Variants in ARHGAP21 observed in about 807,000 individuals in gnomAD.
ARHGAP21 encodes rho GTPase-activating protein 21.
In ARHGAP21, 38 loss-of-function variants were observed where a neutral mutation model predicts 164.6. The ratio of observed to expected loss-of-function variants is 0.23; its 90% CI spans 0.18 to 0.30. The LOEUF is 0.30. Ranked by LOEUF, ARHGAP21 falls within the 10% of genes least tolerant of loss-of-function variation. The probability of loss-of-function intolerance (pLI) is 1.00; values close to 1 mark genes in which losing one functional copy is unlikely to be tolerated. For missense variants in ARHGAP21, 1,822 were observed against 2,370.7 expected (o/e 0.77, Z 4.81); for synonymous variants, 766 against 857.9 (o/e 0.89, Z 1.87).
intron 4 of ARHGAP21, among the ~76,000 whole-genome samples, chr10:24,658,574 A>G (rs2131639817): frequency 6.6e-6 from 1 of 152,308 alleles, no homozygotes; most frequent in South Asian, 2.1e-4. Context: ...AAACTATCGC[A>G]AGGATAGAAA....
At chr10:24,660,458 G>T (rs1007646380) in intron 4 of ARHGAP21, among the ~76,000 whole-genome samples, 1 of 138,534 alleles carries the variant, frequency 7.2e-6, no homozygotes, top group Non-Finnish European at 1.5e-5. Flanking sequence ...CTTCAGAAAA[G>T]AGATCCATGT....
At chr10:24,687,677 G>GTTAAAAACAATT (rs1427160364) in intron 2 of ARHGAP21, among the ~76,000 whole-genome samples, 1 of 152,156 alleles carries the variant, frequency 6.6e-6, no homozygotes, top group Non-Finnish European at 1.5e-5. Flanking sequence ...CATTTCTGTG[G>GTTAAAAACAATT]TTAAAAACAA....
chr10:24,673,900 T>C (rs1193560714), intron 2 of ARHGAP21, among the ~76,000 whole-genome samples: 1 of 152,064 alleles, frequency 6.6e-6, no homozygotes, highest in Non-Finnish European at 1.5e-5. Context: ...AACCTAAATG[T>C]AACACTTAAA....
chr10:24,642,510 G>A (rs1295168541), intron 4 of ARHGAP21, among the ~76,000 whole-genome samples: 6 of 118,682 alleles, frequency 5.1e-5, no homozygotes, highest in Non-Finnish European at 8.2e-5. Context: ...GCGAGACTCC[G>A]TCTCAAAAAA....
rs376613718 is a variant in ARHGAP21, at chr10:24,600,949, T to C, written c.2848-19A>G. The C allele has an allele frequency of 1.2e-6, 2 of 1,603,784 alleles. No individual in the cohort carries two copies. The highest frequency in any genetic ancestry group is 1.7e-5 in the Admixed American group (1 of 59,376). ...CAACTCGCTAGAAAACATGCGACAGTTCTTTAATAGTCAATATTTGGCTAA... is the reference window on the plus strand; with the variant it reads ...CAACTCGCTAGAAAACATGCGACAGCTCTTTAATAGTCAATATTTGGCTAA... On this transcript the variant is annotated intron_variant, in intron 13 of 25. Transcript: ENST00000396432.
intron 2 of ARHGAP21, among the ~76,000 whole-genome samples, chr10:24,709,753 AAC>A (rs1451028995): frequency 6.6e-6 from 1 of 150,920 alleles, no homozygotes; most frequent in Non-Finnish European, 1.5e-5. Context: ...AAAAAAAAAA[AAC>A]AATCCAGACA....
intron 2 of ARHGAP21, among the ~76,000 whole-genome samples, chr10:24,700,884 A>G (rs191152769): frequency 3.1e-4 from 47 of 152,308 alleles, no homozygotes; most frequent in African/African-American, 1.1e-3. Flanking sequence ...CTGATTCCCT[A>G]AAGTCTAGAG....
At chr10:24,669,846 T>A (rs1015037093) in intron 3 of ARHGAP21, among the ~76,000 whole-genome samples, 1 of 152,242 alleles carries the variant, frequency 6.6e-6, no homozygotes, top group African/African-American at 2.4e-5. Context: ...ACTAATTTTC[T>A]ATAACTGCTA....
At chr10:24,654,963 C>T (rs1593179685) in intron 4 of ARHGAP21, among the ~76,000 whole-genome samples, 1 of 152,154 alleles carries the variant, frequency 6.6e-6, no homozygotes, top group East Asian at 1.9e-4. Context: ...AGAAATAACA[C>T]CACATATCTA....
intron 4 of ARHGAP21, among the ~76,000 whole-genome samples, chr10:24,661,126 CAT>C (rs1839651641): frequency 6.7e-6 from 1 of 149,498 alleles, no homozygotes; most frequent in Non-Finnish European, 1.5e-5. Context: ...TACATTAGAA[CAT>C]GTTATACTAT....
intron 4 of ARHGAP21, among the ~76,000 whole-genome samples, chr10:24,635,791 C>T (rs975226753): frequency 5.2e-4 from 79 of 152,284 alleles, no homozygotes; most frequent in Middle Eastern, 6.8e-3. Context: ...GTGATTCACC[C>T]GCCCTGGCCT....
intron 4 of ARHGAP21, among the ~76,000 whole-genome samples, chr10:24,652,026 A>T (rs1212816164): frequency 1.3e-5 from 2 of 152,234 alleles, no homozygotes; most frequent in Non-Finnish European, 2.9e-5. Context: ...CTTTTTCTGT[A>T]AAGAGCCAGA....
chr10:24,650,139 A>G (rs554122477), intron 4 of ARHGAP21, among the ~76,000 whole-genome samples: 1 of 152,312 alleles, frequency 6.6e-6, no homozygotes, highest in African/African-American at 2.4e-5. Context: ...ACCCAGCAAA[A>G]ATACCTTCCA....
chr10:24,650,942 T>C (rs1328342803), intron 4 of ARHGAP21, among the ~76,000 whole-genome samples: 1 of 150,984 alleles, frequency 6.6e-6, no homozygotes, highest in Non-Finnish European at 1.5e-5. Context: ...AGAGCTTCCA[T>C]CAATCTCAAA....
chr10:24,665,711 T>C (rs1438776695), intron 4 of ARHGAP21, among the ~76,000 whole-genome samples: 2 of 152,238 alleles, frequency 1.3e-5, no homozygotes, highest in Non-Finnish European at 2.9e-5. Flanking sequence ...TCATCAAAAC[T>C]TACCAAACTA....
chr10:24,682,100 C>T (rs868297255), intron 2 of ARHGAP21, among the ~76,000 whole-genome samples: 1 of 150,928 alleles, frequency 6.6e-6, no homozygotes, highest in Admixed American at 6.6e-5. Flanking sequence ...ATAGTACACG[C>T]ACTATTTAAC....
At chr10:24,592,799 G>A (rs999873482) in intron 21 of ARHGAP21, among the ~76,000 whole-genome samples, 8 of 151,918 alleles carry the variant, frequency 5.3e-5, no homozygotes, top group Non-Finnish European at 8.8e-5. Flanking sequence ...TGGAAGAAGT[G>A]CTGAAAAATA....
chr10:24,699,880 C>T (rs1053295266), intron 2 of ARHGAP21, among the ~76,000 whole-genome samples: 4 of 152,158 alleles, frequency 2.6e-5, no homozygotes, highest in Non-Finnish European at 5.9e-5. Context: ...TAAGTACTCA[C>T]TAAATATTAC....
chr10:24,666,850 CTA>C (rs1200927050), intron 4 of ARHGAP21, 133 bp downstream of exon 4: 8 of 557,424 alleles, frequency 1.4e-5, no homozygotes, highest in Non-Finnish European at 2.4e-5. Flanking sequence ...ACATTTAATT[CTA>C]TGACTCTCAC....
Sources: allele counts gnomAD v4.1 joint callset (sites outside exome capture counted in the v4.1 genomes callset), GRCh38; gene constraint gnomAD v4.1.1; transcripts MANE v1.5; gene names NCBI Gene and HGNC (gene_info 2026-07-23, HGNC 2026-07-21).